PCNX1: variants seen among roughly 807,000 people sequenced by gnomAD.
PCNX1 encodes the protein pecanex-like protein 1.
Under a neutral mutation model 242.2 loss-of-function variants are expected in PCNX1, and 78 were observed. The observed-to-expected ratio is 0.32, with a 90% CI of 0.27 to 0.39. The LOEUF is 0.39. PCNX1 is among the 10% of genes least tolerant of loss of function. The pLI is 1.00. For synonymous variants in PCNX1, 1,024 were observed against 1,032.9 expected, an observed-to-expected ratio of 0.99 and a Z score of 0.17; for missense variants, 2,581 against 2,856.5, an observed-to-expected ratio of 0.90 and a Z score of 2.20.
intron 2 of PCNX1, among the ~76,000 whole-genome samples, chr14:70,949,408 T>C (rs2057683562): frequency 6.6e-6 from 1 of 151,066 alleles, no homozygotes; most frequent in Non-Finnish European, 1.5e-5. Context: ...TGTGTGTACA[T>C]ATATATGTAC....
chr14:71,066,371 A>T (rs1595419329), intron 26 of PCNX1, among the ~76,000 whole-genome samples: 3 of 152,202 alleles, frequency 2.0e-5, no homozygotes, highest in Admixed American at 2.0e-4. Flanking sequence ...TTCTCTTTGT[A>T]GCAGTTGTGA....
At chr14:71,010,211 A>C (rs1485126307) in intron 9 of PCNX1, among the ~76,000 whole-genome samples, 1 of 152,112 alleles carries the variant, frequency 6.6e-6, no homozygotes, top group African/African-American at 2.4e-5. Context: ...TATCCCGAAG[A>C]TCTTACAGTG....
chr14:70,974,244 GTT>G (rs1202073692), intron 5 of PCNX1, among the ~76,000 whole-genome samples: 8 of 117,212 alleles, frequency 6.8e-5, no homozygotes, highest in Non-Finnish European at 3.7e-5. Flanking sequence ...TTTTTTTGTT[GTT>G]TTTTTTTTTT....
At chr14:71,012,601 G>C in intron 10 of PCNX1, 1 of 257,830 alleles carries the variant, frequency 3.9e-6, no homozygotes, top group South Asian at 4.1e-5. Context: ...AGAGGCCGAG[G>C]CGGGTGGATC....
At chr14:71,039,472 C>T (rs1263772233) in intron 19 of PCNX1, among the ~76,000 whole-genome samples, 1 of 152,136 alleles carries the variant, frequency 6.6e-6, no homozygotes, top group Non-Finnish European at 1.5e-5. Context: ...AGCTGGTTTC[C>T]CCCAGAGCAA....
At chr14:71,083,735 G>C (rs1276409814) in intron 28 of PCNX1, among the ~76,000 whole-genome samples, 1 of 151,924 alleles carries the variant, frequency 6.6e-6, no homozygotes, top group African/African-American at 2.4e-5. Flanking sequence ...GGTTATTCTA[G>C]TTAGCAATTC....
rs1002812769 is a variant in PCNX1 at position 70,927,714 on chromosome 14, C to T, written c.154-19201C>T. Among the ~76,000 whole-genome samples, 110 of 152,088 alleles carry T rather than the reference C, an allele frequency of 7.2e-4. 1 individual carries two copies. Among genetic ancestry groups the T allele is most frequent in the African/African-American group, 2.5e-3 (105 of 41,468 alleles). ...AAGCGATTCTCCTGCCTCAGGCTCC[C>T]TAGTAATTGAGATTACAGGCGTGCA... On this transcript the variant is annotated intron_variant, in intron 1 of 35. Coordinates refer to ENST00000304743, the MANE Select transcript of PCNX1 (RefSeq NM_014982.3).
At chr14:70,959,458 C>T (rs890735058) in intron 2 of PCNX1, among the ~76,000 whole-genome samples, 1 of 146,610 alleles carries the variant, frequency 6.8e-6, no homozygotes, top group Non-Finnish European at 1.5e-5. Flanking sequence ...CAGTTCCCAC[C>T]TATGAGTGAG....
At chr14:70,987,598 C>T (rs987644415) in intron 6 of PCNX1, among the ~76,000 whole-genome samples, 1 of 152,078 alleles carries the variant, frequency 6.6e-6, no homozygotes, top group Non-Finnish European at 1.5e-5. Context: ...ATCAAAATGC[C>T]CTTTCTCAAA....
chr14:70,943,819 G>C (rs2057358004), intron 1 of PCNX1, among the ~76,000 whole-genome samples: 1 of 152,242 alleles, frequency 6.6e-6, no homozygotes, highest in African/African-American at 2.4e-5. Flanking sequence ...ACAGTCTCTG[G>C]ACTTGGTACC....
At chr14:71,051,617 G>T (rs2061038327) in intron 23 of PCNX1, among the ~76,000 whole-genome samples, 2 of 152,132 alleles carry the variant, frequency 1.3e-5, no homozygotes, top group African/African-American at 2.4e-5. Context: ...CTCTTCCCAA[G>T]ATTAATATAT....
intron 10 of PCNX1, 167 bp from the exon 11 acceptor site, chr14:71,012,818 C>CAAAAAAA: frequency 4.4e-6 from 2 of 450,568 alleles, no homozygotes; most frequent in Admixed American, 3.7e-5. Flanking sequence ...GACTCTGTCT[C>CAAAAAAA]AAAAAAAAAA....
chr14:71,070,581 A>G (rs1207984793), intron 26 of PCNX1, among the ~76,000 whole-genome samples: 2 of 152,226 alleles, frequency 1.3e-5, no homozygotes, highest in Admixed American at 1.3e-4. Flanking sequence ...GATCAGGTGC[A>G]TTGTCAATGA....
chr14:71,105,327 C>T lies in PCNX1; in HGVS notation c.6188C>T (p.Ala2063Val). The change falls in exon 33 of 36, where the codon GCA (alanine) becomes GTA (valine). Residue 2063 changes from alanine (A) to valine (V), a missense_variant. By Grantham distance (64) the Ala-to-Val change is moderately conservative (BLOSUM62 0). Transcript: ENST00000304743. Reference sequence around the variant, plus strand: ...GGGACTTCCTGCACTGGTAACAATGCAACAACTGCCAACAATCCCCACAGC... The same window carrying T: ...GGGACTTCCTGCACTGGTAACAATGTAACAACTGCCAACAATCCCCACAGC... ...GGGTSCTGNN[A>V]TTANNPHSNV... The T allele has an allele frequency of 6.2e-7, 1 of 1,613,994 alleles. No homozygotes were observed. The highest frequency in any genetic ancestry group is 8.5e-7 in the Non-Finnish European group (1 of 1,179,898).
intron 1 of PCNX1, among the ~76,000 whole-genome samples, chr14:70,939,680 A>T (rs560327500): frequency 1.3e-5 from 2 of 152,102 alleles, no homozygotes; most frequent in African/African-American, 4.8e-5. Flanking sequence ...CAATTCCTGG[A>T]TATCCTTGAT....
Position 70,946,865 on chromosome 14 carries a change from A to G in PCNX1, c.154-50A>G, listed in dbSNP as rs996795716. Reference sequence around the variant, plus strand: ...TAGATACAGATTTATCTAATTGAATACGATATAAAATATTTTAAAATGTAT... The same window carrying G: ...TAGATACAGATTTATCTAATTGAATGCGATATAAAATATTTTAAAATGTAT... On this transcript the variant is annotated intron_variant, in intron 1 of 35. Transcript: ENST00000304743. 4.2e-6 allele frequency: 5 copies of G among 1,185,126 alleles called. No homozygotes were observed. The African/African-American group carries it at 7.7e-5, about 18-fold the overall frequency. The allele number at this position is 1,185,126 out of a possible 1,614,324, so 73.4% of individuals were successfully genotyped here. A position where few individuals can be genotyped will look rare whatever the true frequency, so the allele number is the denominator to read the frequency against.
chr14:70,987,291 T>C (rs2059028019), intron 6 of PCNX1, among the ~76,000 whole-genome samples: 1 of 152,242 alleles, frequency 6.6e-6, no homozygotes. Context: ...CCAGTAATGG[T>C]AACCACTAGC....
At chr14:71,000,873 G>A (rs1032878418) in intron 8 of PCNX1, among the ~76,000 whole-genome samples, 11 of 152,090 alleles carry the variant, frequency 7.2e-5, no homozygotes, top group Non-Finnish European at 1.3e-4. Context: ...TCACTTAGAT[G>A]TATGTGAAAG....
At position 71,108,652 on chromosome 14, in the gene PCNX1, C is replaced by T. The variant is rs766974545; in HGVS notation, c.6350C>T (p.Ser2117Phe). 1 of 1,614,166 alleles carries T rather than the reference C, an allele frequency of 6.2e-7. No individual in the cohort carries two copies. ...HSVQSGLVRQ[S>F]PARASVASQS... ...GTGCAGTCGGGCCTGGTCAGACAGTCTCCTGCCCGGGCCTCAGTAGCCAGC... is the reference window on the plus strand; with the variant it reads ...GTGCAGTCGGGCCTGGTCAGACAGTTTCCTGCCCGGGCCTCAGTAGCCAGC... The change falls in exon 34 of 36, where the codon TCT becomes TTT. Residue 2117 changes from serine to phenylalanine, a missense_variant. Ser to Phe is a radical substitution (Grantham distance 155). Transcript: ENST00000304743.
Sources: gnomAD v4.1 joint callset for allele counts (sites outside exome capture counted in the v4.1 genomes callset) on GRCh38, gnomAD v4.1.1 for gene constraint, MANE v1.5 for transcripts, NCBI Gene and HGNC (gene_info 2026-07-23, HGNC 2026-07-21) for gene names.